FRMPD4: variants seen among roughly 807,000 people sequenced by gnomAD.
FRMPD4 encodes the protein FERM and PDZ domain containing 4, also known as FERM and PDZ domain-containing protein 4.
Under a neutral mutation model 94.1 loss-of-function variants are expected in FRMPD4, and 22 were observed. The ratio of observed to expected loss-of-function variants is 0.23; its 90% CI spans 0.17 to 0.33. The LOEUF is 0.33. Ranked by LOEUF, FRMPD4 falls within the 10% of genes least tolerant of loss-of-function variation. The probability of loss-of-function intolerance (pLI) is 1.00; values close to 1 mark genes in which losing one functional copy is unlikely to be tolerated. For synonymous variants in FRMPD4, 631 were observed against 548.6 expected, an observed-to-expected ratio of 1.15 and a Z score of -2.10; for missense variants, 1,111 against 1,339.9, an observed-to-expected ratio of 0.83 and a Z score of 2.67.
At chrX:12,016,634 C>T (rs1357642459) in intron 3 of FRMPD4, among the ~76,000 whole-genome samples, 4 of 112,139 alleles carry the variant, frequency 3.6e-5, no homozygotes, top group African/African-American at 1.3e-4. Context: ...GAGCACTATC[C>T]TTATAACTTT....
chrX:12,234,296 G>A (rs949843230), intron 1 of FRMPD4, among the ~76,000 whole-genome samples: 8 of 112,194 alleles, frequency 7.1e-5, no homozygotes, highest in Admixed American at 4.7e-4. Flanking sequence ...AAGAGAGAGA[G>A]AGTGTGTGTA....
intron 1 of FRMPD4, among the ~76,000 whole-genome samples, chrX:12,471,233 C>T (rs987963045): frequency 8.9e-6 from 1 of 112,006 alleles, no homozygotes; most frequent in Admixed American, 9.6e-5. Flanking sequence ...CAGAAACAGA[C>T]ATGTCAGTGC....
rs761048126 is a variant in FRMPD4 at position 12,281,735 on chromosome X, A to C, written c.41+142723A>C. Among the ~76,000 whole-genome samples, 15 of 111,936 alleles carry C rather than the reference A, an allele frequency of 1.3e-4. 1 individual carries two copies. Among genetic ancestry groups the C allele is most frequent in the Admixed American group, 1.1e-3 (12 of 10,535 alleles). On this transcript the variant is annotated intron_variant, in intron 1 of 16. Transcript: ENST00000675598. Reference sequence around the variant, plus strand: ...TTTTGTTGTTGTTAGTTTTAATATTAGTAATGGGATTTCCTCTGTGAAAGA... The same window carrying C: ...TTTTGTTGTTGTTAGTTTTAATATTCGTAATGGGATTTCCTCTGTGAAAGA...
chrX:12,525,259 C>T (rs1360693244), intron 2 of FRMPD4, among the ~76,000 whole-genome samples: 1 of 111,612 alleles, frequency 9.0e-6, no homozygotes, highest in Non-Finnish European at 1.9e-5. Context: ...TATAAACATA[C>T]AAACACTCTG....
At chrX:12,348,589 G>GAAAA (rs35385075) in intron 1 of FRMPD4, among the ~76,000 whole-genome samples, 5 of 66,102 alleles carry the variant, frequency 7.6e-5, no homozygotes, top group African/African-American at 2.2e-4. Flanking sequence ...ATGCTTCCAG[G>GAAAA]AAAAAAAAAA....
intron 3 of FRMPD4, among the ~76,000 whole-genome samples, chrX:12,017,013 T>G (rs2054608026): frequency 8.9e-6 from 1 of 112,327 alleles, no homozygotes; most frequent in Non-Finnish European, 1.9e-5. Flanking sequence ...CTCCATATAC[T>G]GCTACTATTT....
chrX:12,277,839 C>T (rs1050108659), intron 1 of FRMPD4, among the ~76,000 whole-genome samples: 2 of 112,141 alleles, frequency 1.8e-5, no homozygotes, highest in African/African-American at 6.5e-5. Flanking sequence ...GGTTTCATTA[C>T]AAGAGCTCAA....
intron 1 of FRMPD4, among the ~76,000 whole-genome samples, chrX:12,461,062 C>G (rs1213614915): frequency 4.5e-5 from 5 of 111,455 alleles, no homozygotes; most frequent in Non-Finnish European, 9.4e-5. Context: ...CAAAATTCTT[C>G]TTTAGCAAAG....
chrX:12,513,017 T>G (rs1313616275), intron 2 of FRMPD4, among the ~76,000 whole-genome samples: 1 of 112,479 alleles, frequency 8.9e-6, no homozygotes, highest in Non-Finnish European at 1.9e-5. Flanking sequence ...CATAAATGTC[T>G]TCTGTTGAGA....
intron 4 of FRMPD4, among the ~76,000 whole-genome samples, chrX:12,636,289 A>G (rs1488236830): frequency 2.7e-5 from 3 of 111,280 alleles, no homozygotes; most frequent in African/African-American, 9.8e-5. Flanking sequence ...GAAAAAATTT[A>G]TTTATAGTTT....
chrX:11,828,886 A>G (rs187908756), intron 1 of FRMPD4, among the ~76,000 whole-genome samples: 2 of 112,681 alleles, frequency 1.8e-5, no homozygotes, highest in African/African-American at 6.4e-5. Flanking sequence ...ATCTTGTTTA[A>G]CTGTTAGTCC....
chrX:12,413,488 G>C (rs2056760642), intron 1 of FRMPD4, among the ~76,000 whole-genome samples: 1 of 111,894 alleles, frequency 8.9e-6, no homozygotes, highest in African/African-American at 3.3e-5. Context: ...TTGCAGACAA[G>C]GAAATTGAAA....
chrX:12,478,658 G>A (rs751854886), intron 1 of FRMPD4, among the ~76,000 whole-genome samples: 1 of 111,826 alleles, frequency 8.9e-6, no homozygotes, highest in Non-Finnish European at 1.9e-5. Flanking sequence ...TGTGTCAAGA[G>A]AGAAGCAGTT....
intron 3 of FRMPD4, among the ~76,000 whole-genome samples, chrX:12,047,919 A>T (rs1351257058): frequency 4.4e-5 from 5 of 112,565 alleles, no homozygotes; most frequent in African/African-American, 1.6e-4. Flanking sequence ...ACCTAGGTTG[A>T]TTCTATGTCT....
At chrX:12,392,505 T>TTTCGTG (rs2056490499) in intron 1 of FRMPD4, among the ~76,000 whole-genome samples, 1 of 108,193 alleles carries the variant, frequency 9.2e-6, no homozygotes, top group East Asian at 3.0e-4. Flanking sequence ...ATACAAAAAT[T>TTTCGTG]AGCCCGGCGT....
intron 1 of FRMPD4, among the ~76,000 whole-genome samples, chrX:12,282,734 C>T (rs950553065): frequency 2.7e-5 from 3 of 111,987 alleles, no homozygotes; most frequent in Non-Finnish European, 5.6e-5. Flanking sequence ...GGCACGGGTG[C>T]GCTCATGTTG....
intron 2 of FRMPD4, among the ~76,000 whole-genome samples, chrX:12,547,258 G>A (rs756053631): frequency 4.5e-5 from 5 of 110,807 alleles, no homozygotes; most frequent in South Asian, 3.8e-4. Context: ...GTAATCGGCC[G>A]AAGGACACAC....
chrX:12,076,342 GTGTGTGTGTGTGTGTA>G (rs1225564291), intron 3 of FRMPD4, among the ~76,000 whole-genome samples: 1 of 109,050 alleles, frequency 9.2e-6, no homozygotes, highest in Non-Finnish European at 1.9e-5. Context: ...GTGTGTGTGT[GTGTGTGTGTGTGTGTA>G]TGTGTGTGTG....
intron 1 of FRMPD4, among the ~76,000 whole-genome samples, chrX:12,225,820 A>G (rs1042280201): frequency 1.8e-5 from 2 of 112,141 alleles, no homozygotes; most frequent in African/African-American, 3.2e-5. Flanking sequence ...CCCTTTTACA[A>G]GTGTCAATAA....
Sources: allele counts gnomAD v4.1 joint callset (sites outside exome capture counted in the v4.1 genomes callset), GRCh38; gene constraint gnomAD v4.1.1; transcripts MANE v1.5; gene names NCBI Gene and HGNC (gene_info 2026-07-23, HGNC 2026-07-21).